Variants in DNAH1 observed in about 807,000 individuals in gnomAD.
DNAH1 encodes the protein dynein axonemal heavy chain 1.
Under a neutral mutation model 484.3 loss-of-function variants are expected in DNAH1, and 327 were observed. That is an observed-to-expected ratio of 0.68 (90% CI 0.62 to 0.74). The LOEUF is 0.74. Among genes scored for constraint, DNAH1 ranks in the 30% least tolerant of loss-of-function variants. The pLI, the probability that DNAH1 is intolerant of heterozygous loss-of-function variation, is 0.00. For synonymous variants in DNAH1, 2,192 were observed against 2,191.9 expected (o/e 1.00, Z 0.00); for missense variants, 5,052 against 5,546.8 (o/e 0.91, Z 2.83).
At chr3:52,314,325 G>C (rs755078895), upstream of DNAH1, among the ~76,000 whole-genome samples, 5 of 152,146 alleles carry the variant, frequency 3.3e-5, no homozygotes, top group Non-Finnish European at 7.3e-5. Flanking sequence ...GGCCCAGGAA[G>C]GTGGGGACCA....
chr3:52,353,920 A>G lies in DNAH1; in HGVS notation c.3480+287A>G. 7.3e-6 allele frequency: 3 copies of G among 410,406 alleles called. No individual in the cohort carries two copies. The highest frequency in any genetic ancestry group is 9.0e-6 in the Non-Finnish European group (2 of 221,268). 25.4% of individuals were successfully genotyped at this position (410,406 alleles called of 1,614,324 possible). ...TTAACAGATGTGTCAGGCCGGGTGC[A>G]GTGACACATGCCTGTAAATCCCAGC... On this transcript the variant is annotated intron_variant, in intron 20 of 77. Coordinates refer to ENST00000420323, the MANE Select transcript of DNAH1 (RefSeq NM_015512.5). The surrounding 1 kb of genome is among the most constrained non-coding windows in gnomAD (Gnocchi z 5.0).
chr3:52,357,667 C>T lies in DNAH1; in HGVS notation c.3912C>T (p.Asn1304=), dbSNP rs765834474. Residue 1304 remains asparagine (N), a synonymous_variant, in exon 23 of 78, where the codon AAC becomes AAT. Transcript: ENST00000420323. The part of the protein sequence containing the change: ...LRMLDSLRDC[N]KILDLVQKGL... ...TGCTGGACAGCCTGCGGGACTGCAA[C>T]AAGATTCTGGACCTGGTGCAGAAGG... 3 of 1,597,414 alleles carry T rather than the reference C, an allele frequency of 1.9e-6. No individual in the cohort carries two copies. Among genetic ancestry groups the T allele is most frequent in the Non-Finnish European group, 8.5e-7 (1 of 1,171,694 alleles).
chr3:52,397,247 T>C lies in DNAH1; in HGVS notation c.11787+203T>C, dbSNP rs542088783. ...GCCCACTGGGGCTTGCCTCTGTGAG[T>C]GAACTCCTGGTCAGCCACTCCCTGG... On this transcript the variant is annotated intron_variant, in intron 73 of 77. Transcript: ENST00000420323. 3.3e-5 allele frequency among the ~76,000 whole-genome samples: 5 copies of C among 152,004 alleles called. No homozygotes were observed. The East Asian group carries it at 9.7e-4, about 29-fold the overall frequency.
In DNAH1 at chr3:52,382,436, T is replaced by A; in HGVS notation, c.7922T>A (p.Phe2641Tyr). The A allele has an allele frequency of 6.2e-7, 1 of 1,613,852 alleles. No homozygotes were observed. Among genetic ancestry groups the A allele is most frequent in the Non-Finnish European group, 8.5e-7 (1 of 1,179,812 alleles). The change falls in exon 50 of 78, where the codon TTC becomes TAC. Residue 2641 changes from phenylalanine to tyrosine, a missense_variant. Around this residue, in one of 4 missense-constraint regions of DNAH1, gnomAD observed 2,929 missense variants for 3,409.4 expected, o/e 0.86. Transcript: ENST00000420323. ...KAGLQNLPIT[F>Y]LFSDTQIKNE... ...GGCCTACAGAACCTACCCATCACCT[T>A]CCTCTTCTCAGACACCCAGGTGCCA...
At chr3:52,312,517 C>T (rs903957544), upstream of DNAH1, among the ~76,000 whole-genome samples, 1 of 149,734 alleles carries the variant, frequency 6.7e-6, no homozygotes, top group Non-Finnish European at 1.5e-5. Flanking sequence ...GTCACCCAAG[C>T]TGGAGCACAG....
intron 67 of DNAH1, 94 bp from the exon 68 acceptor site, chr3:52,394,821 C>A: frequency 6.6e-7 from 1 of 1,520,720 alleles, no homozygotes; most frequent in South Asian, 1.3e-5. Context: ...TGGGATAGCC[C>A]ACTCTCCCCA....
At chr3:52,350,389 A>G (rs1392799945) in intron 15 of DNAH1, 119 bp from the exon 16 acceptor site, 6 of 1,071,732 alleles carry the variant, frequency 5.6e-6, no homozygotes, top group Admixed American at 2.0e-5. Flanking sequence ...CCTGGCCCAG[A>G]CCTCCCCATT....
chr3:52,392,702 C>G lies in DNAH1; in HGVS notation c.10278+13C>G. ...TGCTGAGATCCAGGTCAGCTGCTGC[C>G]TGCCCACCCACCTGCCCCGGGAGTG... is the stretch of plus-strand genomic sequence containing the variant. On this transcript the variant is annotated intron_variant, in intron 64 of 77. Coordinates refer to ENST00000420323, the MANE Select transcript of DNAH1 (RefSeq NM_015512.5). The G allele has an allele frequency of 6.3e-7, 1 of 1,586,470 alleles. No individual in the cohort carries two copies. The highest frequency in any genetic ancestry group is 8.6e-7 in the Non-Finnish European group (1 of 1,166,592).
chr3:52,351,651 C>G (rs553147741), intron 16 of DNAH1, among the ~76,000 whole-genome samples: 1 of 152,362 alleles, frequency 6.6e-6, no homozygotes, highest in South Asian at 2.1e-4. Context: ...AAGAGGGGAA[C>G]TTGGCCTCAC....
chr3:52,338,815 C>T (rs1701825185), intron 8 of DNAH1, among the ~76,000 whole-genome samples: 1 of 148,484 alleles, frequency 6.7e-6, no homozygotes, highest in African/African-American at 2.5e-5. Context: ...CGCCTGAGGT[C>T]AGGAGTTTGA....
intron 18 of DNAH1, 22 bp downstream of exon 18, chr3:52,352,729 T>G (rs1702445768): frequency 6.3e-7 from 1 of 1,599,094 alleles, no homozygotes; most frequent in African/African-American, 1.3e-5. Context: ...GCAGGCACCC[T>G]GCCCCCATGC....
At chr3:52,398,225 CAG>C (rs1468893582) in intron 75 of DNAH1, 63 bp downstream of exon 75, 4 of 1,533,850 alleles carry the variant, frequency 2.6e-6, no homozygotes, top group African/African-American at 2.7e-5. Context: ...GAAATGACAA[CAG>C]GGGTTACTAT....
chr3:52,399,025 T>A lies in DNAH1; in HGVS notation c.12265T>A (p.Trp4089Arg). 6.2e-7 allele frequency: 1 copy of A among 1,614,072 alleles called. No homozygotes were observed. Among genetic ancestry groups the A allele is most frequent in the Non-Finnish European group, 8.5e-7 (1 of 1,179,902 alleles). Residue 4089 changes from tryptophan to arginine, a missense_variant, in exon 76 of 78, where the codon TGG (tryptophan) becomes AGG (arginine). This residue lies in a region of DNAH1 where 853 missense variants were observed against 899.0 expected (regional missense o/e 0.95). Transcript: ENST00000420323. ...AYPSLKPLSS[W>R]VMDLLQRLDF... Reference sequence around the variant, plus strand: ...CCCATCGCTCAAGCCTCTGTCATCATGGGTCATGGACCTGCTGCAACGCCT... The same window carrying A: ...CCCATCGCTCAAGCCTCTGTCATCAAGGGTCATGGACCTGCTGCAACGCCT...
chr3:52,341,486 G>A (rs1288340254), intron 8 of DNAH1, among the ~76,000 whole-genome samples: 2 of 150,118 alleles, frequency 1.3e-5, no homozygotes, highest in East Asian at 1.9e-4. Flanking sequence ...TGGCACCACC[G>A]TATTTGTCCT....
intron 32 of DNAH1, among the ~76,000 whole-genome samples, chr3:52,363,465 GC>G: frequency 6.6e-6 from 1 of 152,346 alleles, no homozygotes; most frequent in East Asian, 1.9e-4. Context: ...AGAACCCCAG[GC>G]TGGGGAGCAA....
At chr3:52,382,485 C>G in intron 50 of DNAH1, 30 bp downstream of exon 50, 2 of 1,610,684 alleles carry the variant, frequency 1.2e-6, no homozygotes, top group East Asian at 2.2e-5. Flanking sequence ...GGGCAGGGCT[C>G]GGGGGGGCTG....
intron 1 of DNAH1, 100 bp from the exon 2 acceptor site, chr3:52,322,308 TG>T: frequency 1.3e-6 from 1 of 752,382 alleles, no homozygotes; most frequent in Non-Finnish European, 2.1e-6. Flanking sequence ...CCATGGGTCA[TG>T]GGCTGGGGCT....
intron 8 of DNAH1, among the ~76,000 whole-genome samples, chr3:52,340,978 CCCTTCCTT>C (rs113750705): frequency 1.4e-4 from 21 of 151,620 alleles, no homozygotes; most frequent in Non-Finnish European, 2.4e-4. Flanking sequence ...CTTCCTCCCT[CCCTTCCTT>C]CCTTCCTTCC....
chr3:52,389,732 G>A (rs1216813777), intron 60 of DNAH1, 146 bp downstream of exon 60: 9 of 964,890 alleles, frequency 9.3e-6, no homozygotes, highest in Non-Finnish European at 1.1e-5. Flanking sequence ...CCAGCAAGAG[G>A]GTGGTAGGAG....
Sources: allele counts gnomAD v4.1 joint callset (sites outside exome capture counted in the v4.1 genomes callset), GRCh38; gene constraint gnomAD v4.1.1; regional missense constraint gnomAD v4.1.1; non-coding constraint Gnocchi (gnomAD v3.1); transcripts MANE v1.5; gene names NCBI Gene and HGNC (gene_info 2026-07-23, HGNC 2026-07-21).